DNAH12: variants seen among roughly 807,000 people sequenced by gnomAD.
DNAH12 encodes dynein axonemal heavy chain 12.
A neutral mutation model predicts 371.5 loss-of-function variants in DNAH12; 285 were observed. The ratio of observed to expected loss-of-function variants is 0.77; its 90% CI spans 0.70 to 0.85. DNAH12 has a LOEUF of 0.85. DNAH12 is among the 40% of genes least tolerant of loss of function. DNAH12 has a pLI of 0.00. For missense variants in DNAH12, 3,611 were observed against 3,689.4 expected (o/e 0.98, Z 0.55); for synonymous variants, 1,200 against 1,213.0 (o/e 0.99, Z 0.22).
At chr3:57,359,898 G>A (rs2062885520) in intron 58 of DNAH12, among the ~76,000 whole-genome samples, 1 of 152,154 alleles carries the variant, frequency 6.6e-6, no homozygotes, top group Non-Finnish European at 1.5e-5. Flanking sequence ...TAGAATAGAA[G>A]TCAGGGTCAG....
chr3:57,465,247 G>C (rs1441660862), intron 17 of DNAH12, among the ~76,000 whole-genome samples: 1 of 152,070 alleles, frequency 6.6e-6, no homozygotes, highest in Non-Finnish European at 1.5e-5. Context: ...ATAAGTACTT[G>C]AAAAATATAT....
chr3:57,455,924 C>T (rs188809272), intron 22 of DNAH12, among the ~76,000 whole-genome samples: 1 of 152,190 alleles, frequency 6.6e-6, no homozygotes, highest in African/African-American at 2.4e-5. Context: ...CAGATCCAAA[C>T]TATAAATTGA....
chr3:57,501,371 T>A lies in DNAH12; in HGVS notation c.1285A>T (p.Asn429Tyr). The A allele has an allele frequency of 6.3e-7, 1 of 1,596,076 alleles. No homozygotes were observed. The change falls in exon 11 of 74, where the codon AAT becomes TAT. Residue 429 changes from asparagine to tyrosine, a missense_variant. By Grantham distance (143) the Asn-to-Tyr change is moderately radical. Transcript: ENST00000495027. ...TCTTCTGTCTGAAAAGTCTCTATATTCTCAACTGCAGTCCCATCAAGGAGC... is the reference window on the plus strand; with the variant it reads ...TCTTCTGTCTGAAAAGTCTCTATATACTCAACTGCAGTCCCATCAAGGAGC... ...NWLLDGTAVENIETFQTEDHT... is the reference protein window; with the variant it reads ...NWLLDGTAVEYIETFQTEDHT...
At chr3:57,509,861 TAAAAAA>T (rs902155403) in intron 5 of DNAH12, among the ~76,000 whole-genome samples, 655 of 46,530 alleles carry the variant, frequency 0.014, 1 homozygote, top group African/African-American at 0.036. Flanking sequence ...GACTCCATCA[TAAAAAA>T]AAAAAAAAAA....
Position 57,433,385 on chromosome 3 carries a change from T to A in DNAH12, c.4962A>T (p.Val1654=). The A allele has an allele frequency of 6.4e-7, 1 of 1,551,162 alleles. No homozygotes were observed. ...DTLWIESMNT[V]LDDNKKLCLM... is the part of the protein sequence containing the mutation. ...GATTTACCTTTTTATTATCATCCAA[T>A]ACTGTGTTCATGCTCTCTATCCACA... The change falls in exon 32 of 74, where the codon GTA becomes GTT. Residue 1654 remains valine (V), a synonymous_variant. Coordinates refer to ENST00000495027, the MANE Select transcript of DNAH12 (RefSeq NM_001366028.2).
At chr3:57,393,338 T>C (rs914108808) in intron 44 of DNAH12, among the ~76,000 whole-genome samples, 3 of 151,792 alleles carry the variant, frequency 2.0e-5, no homozygotes, top group African/African-American at 4.8e-5. Flanking sequence ...AGAAATGAGG[T>C]CTAAAGTGGC....
intron 62 of DNAH12, among the ~76,000 whole-genome samples, chr3:57,330,891 A>AAATCAATC (rs925075018): frequency 1.3e-5 from 2 of 152,034 alleles, no homozygotes; most frequent in Admixed American, 1.3e-4. Context: ...TCCTTTCAGA[A>AAATCAATC]AATCAATCAA....
intron 60 of DNAH12, among the ~76,000 whole-genome samples, chr3:57,346,511 G>A (rs1470372975): frequency 8.1e-5 from 12 of 148,252 alleles, no homozygotes; most frequent in Non-Finnish European, 1.5e-4. Context: ...AACCAGAGAA[G>A]ACAGAAAAAT....
intron 43 of DNAH12, among the ~76,000 whole-genome samples, chr3:57,397,723 A>G (rs2063774562): frequency 2.0e-5 from 3 of 152,202 alleles, no homozygotes; most frequent in Admixed American, 2.0e-4. Flanking sequence ...TGCAACAATA[A>G]AAGCACACAT....
intron 13 of DNAH12, among the ~76,000 whole-genome samples, chr3:57,476,722 T>G (rs1188524243): frequency 2.0e-5 from 3 of 152,218 alleles, no homozygotes; most frequent in African/African-American, 7.2e-5. Context: ...AATTCATGTT[T>G]TACGTAATTT....
chr3:57,461,180 T>C (rs1223824168), intron 19 of DNAH12, among the ~76,000 whole-genome samples: 1 of 152,166 alleles, frequency 6.6e-6, no homozygotes, highest in African/African-American at 2.4e-5. Flanking sequence ...AAACAGGGTC[T>C]AGGTTTTCTA....
At chr3:57,305,986 A>G (rs990358876) in intron 69 of DNAH12, among the ~76,000 whole-genome samples, 9 of 152,160 alleles carry the variant, frequency 5.9e-5, no homozygotes, top group African/African-American at 2.2e-4. Context: ...TGGGCCAAGA[A>G]ATGCCCGCAG....
chr3:57,443,023 G>A (rs1375361777), intron 29 of DNAH12, among the ~76,000 whole-genome samples: 2 of 152,150 alleles, frequency 1.3e-5, no homozygotes, highest in Non-Finnish European at 2.9e-5. Flanking sequence ...TTCCCATAAA[G>A]TAACAAGTTA....
At chr3:57,445,464 C>T in intron 27 of DNAH12, 45 bp from the exon 28 acceptor site, 1 of 1,408,974 alleles carries the variant, frequency 7.1e-7, no homozygotes, top group Non-Finnish European at 9.3e-7. Context: ...ATAAATGAAG[C>T]TGTTTTTAAG....
intron 25 of DNAH12, among the ~76,000 whole-genome samples, chr3:57,448,763 T>A (rs1211407649): frequency 7.9e-5 from 12 of 151,966 alleles, no homozygotes; most frequent in Non-Finnish European, 1.5e-5. Flanking sequence ...GCTCTCCACG[T>A]CCCCATCAGA....
chr3:57,433,832 T>C lies in DNAH12; in HGVS notation c.4656-4A>G, dbSNP rs2065027417. ...AGGCTCTCCTACTAACATAAAACTATGAAGGAAAAGAAATAATTATACAAT... is the reference window on the plus strand; with the variant it reads ...AGGCTCTCCTACTAACATAAAACTACGAAGGAAAAGAAATAATTATACAAT... On this transcript the variant is annotated splice_region_variant and splice_polypyrimidine_tract_variant and intron_variant, in intron 30 of 73. Coordinates refer to ENST00000495027, the MANE Select transcript of DNAH12 (RefSeq NM_001366028.2). The C allele has an allele frequency of 6.6e-7, 1 of 1,518,396 alleles. No individual in the cohort carries two copies. The highest frequency in any genetic ancestry group is 1.3e-5 in the South Asian group (1 of 76,612). 94.1% of individuals were successfully genotyped at this position (1,518,396 alleles called of 1,614,324 possible).
chr3:57,300,612 G>A (rs1458878395), intron 70 of DNAH12, among the ~76,000 whole-genome samples: 2 of 152,024 alleles, frequency 1.3e-5, no homozygotes, highest in Non-Finnish European at 2.9e-5. Context: ...AAGTCGAATG[G>A]AAACAGCAAG....
chr3:57,326,986 G>A (rs1280044640), intron 62 of DNAH12, among the ~76,000 whole-genome samples: 4 of 152,070 alleles, frequency 2.6e-5, no homozygotes, highest in Non-Finnish European at 4.4e-5. Flanking sequence ...ATGGTAAAGG[G>A]ATCAATTCAA....
At chr3:57,370,965 G>A (rs952360231) in intron 55 of DNAH12, among the ~76,000 whole-genome samples, 1 of 152,178 alleles carries the variant, frequency 6.6e-6, no homozygotes, top group Admixed American at 6.5e-5. Flanking sequence ...AAAGAGATAA[G>A]AAGGAAATGT....
Sources: gnomAD v4.1 joint callset for allele counts (sites outside exome capture counted in the v4.1 genomes callset) on GRCh38, gnomAD v4.1.1 for gene constraint, MANE v1.5 for transcripts, NCBI Gene and HGNC (gene_info 2026-07-23, HGNC 2026-07-21) for gene names.